Variants in LOXHD1 observed in about 807,000 individuals in gnomAD.
LOXHD1 encodes lipoxygenase homology domain-containing protein 1.
LOXHD1 carries 205 observed loss-of-function variants against 248.2 expected under a neutral mutation model. That is an observed-to-expected ratio of 0.83 (90% CI 0.74 to 0.93). LOXHD1 has a LOEUF of 0.93. Ranked by LOEUF, LOXHD1 falls within the 40% of genes least tolerant of loss-of-function variation. The pLI is 0.00. For synonymous variants in LOXHD1, 1,113 were observed against 1,162.8 expected, an observed-to-expected ratio of 0.96 and a Z score of 0.87; for missense variants, 2,930 against 2,971.6, an observed-to-expected ratio of 0.99 and a Z score of 0.33.
intron 1 of LOXHD1, among the ~76,000 whole-genome samples, chr18:46,654,634 TC>T (rs1182499864): frequency 1.3e-5 from 2 of 152,126 alleles, no homozygotes; most frequent in African/African-American, 4.8e-5. Context: ...AGGCTTTTCT[TC>T]CCTCCTTCTT....
Position 46,624,160 on chromosome 18 carries a change from G to A in LOXHD1, c.512-5870C>T, listed in dbSNP as rs201124765. 5.3e-5 allele frequency among the ~76,000 whole-genome samples: 8 copies of A among 152,360 alleles called. No homozygotes were observed. In the East Asian group the frequency reaches 1.5e-3, roughly 29 times the overall value. On this transcript the variant is annotated intron_variant, in intron 4 of 40. Transcript: ENST00000642948. ...GAGGGTGAGGAGGGGGTTGGAAGGA[G>A]AATGATTGGGCCTGATTTTACCCCA...
intron 4 of LOXHD1, among the ~76,000 whole-genome samples, chr18:46,631,234 C>T (rs2038817139): frequency 6.6e-6 from 1 of 152,144 alleles, no homozygotes; most frequent in Non-Finnish European, 1.5e-5. Context: ...TGGAGAGATA[C>T]ACATTAGGAA....
chr18:46,563,111 G>T lies in LOXHD1; in HGVS notation c.2552C>A (p.Ser851Tyr). Residue 851 changes from serine to tyrosine, a missense_variant, in exon 18 of 41, where the codon TCC becomes TAC. Physicochemically the swap from Ser to Tyr is moderately radical, Grantham distance 144. Transcript: ENST00000642948. Reference sequence around the variant, plus strand: ...CCGTTCAAAAACTTTTGAGCGGCTGGAGAGGAAGAGCACTTCTGTCTTGCC... The same window carrying T: ...CCGTTCAAAAACTTTTGAGCGGCTGTAGAGGAAGAGCACTTCTGTCTTGCC... Reference protein sequence around the residue: ...EKGKTEVLFLSSRSKVFERAS... With the variant: ...EKGKTEVLFLYSRSKVFERAS... 6.5e-7 allele frequency: 1 copy of T among 1,546,340 alleles called. No homozygotes were observed. The highest frequency in any genetic ancestry group is 8.8e-7 in the Non-Finnish European group (1 of 1,142,436).
At position 46,505,845 on chromosome 18, in the gene LOXHD1, G is replaced by A. The variant is rs780505634; in HGVS notation, c.5871C>T (p.Asp1957=). The change falls in exon 37 of 41, where the codon GAC becomes GAT. Residue 1957 remains aspartate, a synonymous_variant. Transcript: ENST00000642948. The part of the protein sequence containing the change: ...GHLCKLRVWH[D]NKGIFPGWHL... ...GCCTTGAGTGGGAGCTACCTTTGTT[G>A]TCGTGCCAGACCCTCAGCTTGCAGA... is the stretch of plus-strand genomic sequence containing the variant. 26 of 1,551,688 alleles carry A rather than the reference G, an allele frequency of 1.7e-5. No homozygotes were observed. The South Asian group carries it at 2.1e-4, about 13-fold the overall frequency.
chr18:46,647,016 C>T (rs1352336881), intron 2 of LOXHD1, among the ~76,000 whole-genome samples: 1 of 152,220 alleles, frequency 6.6e-6, no homozygotes, highest in Non-Finnish European at 1.5e-5. Context: ...CTAGAGCACT[C>T]CTGACCAGCT....
Position 46,542,976 on chromosome 18 carries a change from C to T in LOXHD1, c.3620-121G>A. ...TTTCTGAACTTCCACCAAATTTAGACTGTGCAATTATCATCCATTGGCCAC... is the reference window on the plus strand; with the variant it reads ...TTTCTGAACTTCCACCAAATTTAGATTGTGCAATTATCATCCATTGGCCAC... On this transcript the variant is annotated intron_variant, in intron 23 of 40. Coordinates refer to ENST00000642948, the MANE Select transcript of LOXHD1 (RefSeq NM_001384474.1). 2.2e-6 allele frequency: 3 copies of T among 1,393,632 alleles called. No homozygotes were observed. The South Asian group carries it at 4.0e-5, about 19-fold the overall frequency. The allele number at this position is 1,393,632 out of a possible 1,614,324, so 86.3% of individuals were successfully genotyped here.
rs947409720 is a variant in LOXHD1, at chr18:46,594,068, G to T, written c.1270+263C>A. 2.5e-4 allele frequency among the ~76,000 whole-genome samples: 38 copies of T among 152,284 alleles called. 1 individual carries two copies. Among genetic ancestry groups the T allele is most frequent in the African/African-American group, 8.4e-4 (35 of 41,570 alleles). Reference sequence around the variant, plus strand: ...GAGTGCACTGTAGTGAACGATTCAGGTTAACACCTAGCCCATCACAGCAGC... The same window carrying T: ...GAGTGCACTGTAGTGAACGATTCAGTTTAACACCTAGCCCATCACAGCAGC... On this transcript the variant is annotated intron_variant, in intron 9 of 40. Transcript: ENST00000642948.
chr18:46,615,347 A>T (rs1208637426), intron 5 of LOXHD1, among the ~76,000 whole-genome samples: 1 of 152,228 alleles, frequency 6.6e-6, no homozygotes, highest in Middle Eastern at 3.2e-3. Context: ...CCAGTATGTG[A>T]TGGGTAACAG....
At chr18:46,526,495 G>T (rs1264409031) in intron 29 of LOXHD1, among the ~76,000 whole-genome samples, 1 of 152,234 alleles carries the variant, frequency 6.6e-6, no homozygotes, top group African/African-American at 2.4e-5. Context: ...ATGGGTGCAT[G>T]TACATGTAAG....
At chr18:46,515,433 T>A (rs1170434966) in intron 34 of LOXHD1, among the ~76,000 whole-genome samples, 1 of 152,034 alleles carries the variant, frequency 6.6e-6, no homozygotes, top group East Asian at 1.9e-4. Flanking sequence ...AATCAAGAAA[T>A]GATGGCTCCC....
chr18:46,501,538 G>C (rs185602323), intron 37 of LOXHD1, among the ~76,000 whole-genome samples: 1 of 152,268 alleles, frequency 6.6e-6, no homozygotes, highest in Non-Finnish European at 1.5e-5. Context: ...TGACTTATAG[G>C]GCTGTTGGTC....
At chr18:46,620,815 C>A (rs1001002583) in intron 4 of LOXHD1, among the ~76,000 whole-genome samples, 1 of 152,166 alleles carries the variant, frequency 6.6e-6, no homozygotes, top group African/African-American at 2.4e-5. Context: ...GCCAGGAGAT[C>A]AAGGAGACAT....
At chr18:46,544,844 G>T (rs1286153946) in intron 23 of LOXHD1, 1 of 471,676 alleles carries the variant, frequency 2.1e-6, no homozygotes, top group African/African-American at 2.0e-5. Flanking sequence ...CTCTGGACCT[G>T]CAGGATTTTG....
intron 5 of LOXHD1, among the ~76,000 whole-genome samples, chr18:46,611,564 T>C (rs1244185879): frequency 6.6e-6 from 1 of 152,224 alleles, no homozygotes; most frequent in Non-Finnish European, 1.5e-5. Flanking sequence ...TTTTCCATTA[T>C]TGTGTATCTA....
At chr18:46,518,851 G>A (rs1295310884) in intron 33 of LOXHD1, 2 of 981,996 alleles carry the variant, frequency 2.0e-6, no homozygotes, top group East Asian at 1.1e-4. Context: ...AGCTGCGAAT[G>A]AGGGGTGCCA....
chr18:46,596,739 CA>C (rs1352489965), intron 8 of LOXHD1, among the ~76,000 whole-genome samples: 1 of 151,892 alleles, frequency 6.6e-6, no homozygotes, highest in Non-Finnish European at 1.5e-5. Flanking sequence ...AGGAGAATAC[CA>C]AAAACAAGAT....
chr18:46,604,622 G>T (rs1431181827), intron 6 of LOXHD1, among the ~76,000 whole-genome samples: 1 of 152,194 alleles, frequency 6.6e-6, no homozygotes, highest in Non-Finnish European at 1.5e-5. Flanking sequence ...TGACCTTATT[G>T]GTGAGAAGCA....
intron 7 of LOXHD1, among the ~76,000 whole-genome samples, chr18:46,602,570 A>G (rs992250442): frequency 5.3e-5 from 8 of 151,930 alleles, no homozygotes; most frequent in African/African-American, 1.9e-4. Context: ...TAATTCCCCT[A>G]CCCATCCCTC....
intron 27 of LOXHD1, among the ~76,000 whole-genome samples, chr18:46,533,945 A>G (rs888580451): frequency 6.6e-6 from 1 of 152,132 alleles, no homozygotes; most frequent in African/African-American, 2.4e-5. Flanking sequence ...CTCTTCATTC[A>G]TATCCATAGC....
Sources: allele counts gnomAD v4.1 joint callset (sites outside exome capture counted in the v4.1 genomes callset), GRCh38; gene constraint gnomAD v4.1.1; transcripts MANE v1.5; gene names NCBI Gene and HGNC (gene_info 2026-07-23, HGNC 2026-07-21).